GNAO1: variants seen among roughly 807,000 people sequenced by gnomAD.
The protein encoded by GNAO1 is guanine nucleotide-binding protein G(o) subunit alpha.
For missense variants in GNAO1, 166 were observed against 478.7 expected, an observed-to-expected ratio of 0.35 and a Z score of 6.10; for synonymous variants, 164 against 180.7, an observed-to-expected ratio of 0.91 and a Z score of 0.74.
intron 2 of GNAO1, among the ~76,000 whole-genome samples, chr16:56,232,707 C>T (rs1375707459): frequency 9.2e-5 from 14 of 152,148 alleles, no homozygotes; most frequent in Middle Eastern, 3.2e-3. Context: ...TCATTTTATA[C>T]AGTTATGGCT....
intron 5 of GNAO1, 35 bp from the exon 6 acceptor site, chr16:56,336,696 G>A: frequency 6.3e-7 from 1 of 1,582,408 alleles, no homozygotes; most frequent in African/African-American, 1.3e-5. Flanking sequence ...TCACCTGCCT[G>A]GACCCTGCGC....
chr16:56,230,799 A>G (rs1197004203), intron 2 of GNAO1, among the ~76,000 whole-genome samples: 1 of 152,160 alleles, frequency 6.6e-6, no homozygotes, highest in Non-Finnish European at 1.5e-5. Flanking sequence ...GAGTTCAGGC[A>G]TGTCCAGAGT....
chr16:56,321,234 AAAC>A (rs1333903497), intron 3 of GNAO1, among the ~76,000 whole-genome samples: 2 of 152,198 alleles, frequency 1.3e-5, no homozygotes, highest in African/African-American at 4.8e-5. Context: ...CCAAACAAAC[AAAC>A]AACATATCCT....
intron 2 of GNAO1, among the ~76,000 whole-genome samples, chr16:56,269,969 A>G (rs114865490): frequency 0.026 from 3,975 of 152,242 alleles, 121 homozygotes; most frequent in South Asian, 0.1. Flanking sequence ...CACTGCAGCT[A>G]AGTGCAGTCC....
intron 2 of GNAO1, among the ~76,000 whole-genome samples, chr16:56,239,785 C>G (rs1358577163): frequency 2.0e-5 from 3 of 152,178 alleles, no homozygotes; most frequent in African/African-American, 7.2e-5. Flanking sequence ...GGAGCCTCAG[C>G]TATGGTTGTC....
chr16:56,208,420 TGTG>T (rs1199046760), intron 2 of GNAO1, among the ~76,000 whole-genome samples: 5 of 94,976 alleles, frequency 5.3e-5, no homozygotes, highest in Non-Finnish European at 8.7e-5. Flanking sequence ...CTGCTATCAA[TGTG>T]TGTGTGTGTG....
chr16:56,254,356 A>G (rs1274125418), intron 2 of GNAO1, among the ~76,000 whole-genome samples: 1 of 152,160 alleles, frequency 6.6e-6, no homozygotes, highest in African/African-American at 2.4e-5. Context: ...TTCTGTGTTT[A>G]ATGCATTAAA....
chr16:56,206,013 C>T (rs1308393580), intron 2 of GNAO1, among the ~76,000 whole-genome samples: 2 of 152,072 alleles, frequency 1.3e-5, no homozygotes, highest in African/African-American at 4.8e-5. Context: ...AAAAATAGCA[C>T]ACAATGAGGT....
intron 6 of GNAO1, among the ~76,000 whole-genome samples, chr16:56,337,266 G>A (rs1204040812): frequency 1.3e-5 from 2 of 152,250 alleles, no homozygotes; most frequent in South Asian, 2.1e-4. Context: ...GGGCACTGGC[G>A]TCAGATGCTG....
At chr16:56,340,995 C>A (rs768816010) in intron 6 of GNAO1, 2 of 1,611,794 alleles carry the variant, frequency 1.2e-6, no homozygotes, top group Non-Finnish European at 1.7e-6. Flanking sequence ...CAGGTAGAGA[C>A]CCCTCCAGGG....
intron 3 of GNAO1, among the ~76,000 whole-genome samples, chr16:56,282,302 C>G (rs2037122439): frequency 6.6e-6 from 1 of 152,198 alleles, no homozygotes; most frequent in Non-Finnish European, 1.5e-5. Context: ...TGAGATAATG[C>G]CTGTAGCGTG....
At chr16:56,203,023 CCAATTTCTGCCTT>C (rs1257737182) in intron 2 of GNAO1, among the ~76,000 whole-genome samples, 2 of 152,132 alleles carry the variant, frequency 1.3e-5, no homozygotes, top group Admixed American at 1.3e-4. Flanking sequence ...ACAGAGGGAT[CCAATTTCTGCCTT>C]CAGAGAGTTG....
At chr16:56,341,980 G>T (rs1195102369) in intron 6 of GNAO1, among the ~76,000 whole-genome samples, 2 of 152,222 alleles carry the variant, frequency 1.3e-5, no homozygotes, top group Admixed American at 1.3e-4. Context: ...AAGCAGCACA[G>T]CTCTCCTACC....
At chr16:56,290,601 A>G (rs922266116) in intron 3 of GNAO1, among the ~76,000 whole-genome samples, 3 of 152,084 alleles carry the variant, frequency 2.0e-5, no homozygotes, top group African/African-American at 7.2e-5. Context: ...CAATTTTTTC[A>G]CCTGCTGAAT....
intron 2 of GNAO1, among the ~76,000 whole-genome samples, chr16:56,246,761 C>G (rs1477865761): frequency 1.3e-5 from 2 of 152,186 alleles, no homozygotes; most frequent in Non-Finnish European, 2.9e-5. Flanking sequence ...CTTCCCTCCT[C>G]CTGTCCCTCT....
At chr16:56,225,065 G>A (rs1302817501) in intron 2 of GNAO1, among the ~76,000 whole-genome samples, 1 of 152,208 alleles carries the variant, frequency 6.6e-6, no homozygotes, top group African/African-American at 2.4e-5. Context: ...GCCAGCTAAG[G>A]TAGGACAGGG....
intron 6 of GNAO1, among the ~76,000 whole-genome samples, chr16:56,342,314 A>G (rs1427459042): frequency 6.6e-6 from 1 of 152,146 alleles, no homozygotes; most frequent in Non-Finnish European, 1.5e-5. Flanking sequence ...CAAAGAGCTG[A>G]GGTCTGGCAG....
intron 6 of GNAO1, chr16:56,343,797 C>A (rs760207948): frequency 3.1e-5 from 50 of 1,613,694 alleles, no homozygotes; most frequent in Non-Finnish European, 4.2e-5. Flanking sequence ...TGGCTTACAT[C>A]CAGGCCCAGT....
intron 3 of GNAO1, among the ~76,000 whole-genome samples, chr16:56,322,956 G>A (rs1219655231): frequency 2.0e-5 from 3 of 152,174 alleles, no homozygotes; most frequent in Non-Finnish European, 4.4e-5. Flanking sequence ...GGTACCATGA[G>A]AAATCAGGAA....
Sources: allele counts gnomAD v4.1 joint callset (sites outside exome capture counted in the v4.1 genomes callset), GRCh38; gene constraint gnomAD v4.1.1; transcripts MANE v1.5; gene names NCBI Gene and HGNC (gene_info 2026-07-23, HGNC 2026-07-21).